The following LEF1 variants were observed in gnomAD, a reference collection of about 807,000 sequenced individuals.
LEF1 encodes the protein lymphoid enhancer-binding factor 1.
In LEF1, 14 loss-of-function variants were observed where a neutral mutation model predicts 51.2. That is an observed-to-expected ratio of 0.27 (90% CI 0.18 to 0.43). The LOEUF (loss-of-function observed/expected upper bound fraction) is 0.43. LEF1 is among the 20% of genes least tolerant of loss of function. The pLI is 1.00. For synonymous variants in LEF1, 185 were observed against 183.2 expected, an observed-to-expected ratio of 1.01 and a Z score of -0.08; for missense variants, 386 against 512.0, an observed-to-expected ratio of 0.75 and a Z score of 2.37.
intron 3 of LEF1, among the ~76,000 whole-genome samples, chr4:108,126,476 CCT>C (rs1311237195): frequency 5.3e-5 from 8 of 152,004 alleles, no homozygotes; most frequent in African/African-American, 1.9e-4. Flanking sequence ...ATACTCATTT[CCT>C]GATTTTTTTA....
intron 3 of LEF1, among the ~76,000 whole-genome samples, chr4:108,138,922 T>C (rs1033364582): frequency 3.3e-5 from 5 of 152,190 alleles, no homozygotes; most frequent in Non-Finnish European, 7.3e-5. Context: ...CGTAGCAACA[T>C]CCTCTAAGTA....
chr4:108,168,169 C>G lies in LEF1; in HGVS notation c.-402G>C, dbSNP rs1252487733. 1.3e-5 allele frequency: 2 copies of G among 152,404 alleles called. No individual in the cohort carries two copies. The highest frequency in any genetic ancestry group is 2.4e-5 in the African/African-American group (1 of 41,582). 9.4% of individuals were successfully genotyped at this position (152,404 alleles called of 1,614,324 possible). A position where few individuals can be genotyped will look rare whatever the true frequency, so the allele number is the denominator to read the frequency against. ...CGGAGAACGCCGGTTCTGGAGGGAG[C>G]ACGCCTCCCCAAAGTGCAGAGGAGG... On this transcript the variant is annotated 5_prime_UTR_variant, in exon 1 of 12. Coordinates refer to ENST00000265165, the MANE Select transcript of LEF1 (RefSeq NM_016269.5). The surrounding 1 kb of genome is among the most constrained non-coding windows in gnomAD (Gnocchi z 4.6).
intron 3 of LEF1, among the ~76,000 whole-genome samples, chr4:108,124,402 C>T (rs1179060731): frequency 3.3e-5 from 5 of 151,120 alleles, no homozygotes; most frequent in African/African-American, 9.8e-5. Context: ...TGGAATCTTG[C>T]TCTGTCCCCC....
intron 11 of LEF1, among the ~76,000 whole-genome samples, chr4:108,051,272 A>AT (rs1491387544): frequency 8.1e-4 from 123 of 152,044 alleles, no homozygotes; most frequent in African/African-American, 2.7e-3. Flanking sequence ...AAAAAAAAAA[A>AT]GAGCAAAGAA....
Position 108,108,144 on chromosome 4 carries a change from G to C in LEF1, c.415-18887C>G, listed in dbSNP as rs545623936. ...ATTCAATCACTCTGGAAAGTGTATA[G>C]TTACAAAGGACCTCAACCTTGATAC... On this transcript the variant is annotated intron_variant, in intron 3 of 11. Coordinates refer to ENST00000265165, the MANE Select transcript of LEF1 (RefSeq NM_016269.5). 1.1e-4 allele frequency among the ~76,000 whole-genome samples: 17 copies of C among 152,328 alleles called. No individual in the cohort carries two copies. The South Asian group carries it at 3.3e-3, about 30-fold the overall frequency.
intron 3 of LEF1, among the ~76,000 whole-genome samples, chr4:108,099,544 G>A (rs796742507): frequency 1.2e-4 from 4 of 32,224 alleles, no homozygotes; most frequent in Non-Finnish European, 1.9e-4. Context: ...ATGTGTATAT[G>A]TGTGTGTGTG....
At chr4:108,092,857 T>C (rs1361003313) in intron 3 of LEF1, among the ~76,000 whole-genome samples, 2 of 148,386 alleles carry the variant, frequency 1.3e-5, no homozygotes, top group African/African-American at 5.0e-5. Flanking sequence ...CAGCTTACTT[T>C]CTGGGGCTCT....
At chr4:108,060,205 C>T (rs926893535) in intron 11 of LEF1, among the ~76,000 whole-genome samples, 1 of 152,064 alleles carries the variant, frequency 6.6e-6, no homozygotes, top group East Asian at 1.9e-4. Flanking sequence ...AGAACATCCC[C>T]ATCATGTATA....
chr4:108,147,161 G>A (rs530935747), intron 3 of LEF1, among the ~76,000 whole-genome samples: 43 of 152,124 alleles, frequency 2.8e-4, no homozygotes, highest in African/African-American at 9.9e-4. Context: ...GAAGAAGTTA[G>A]GGACTAGTCT....
chr4:108,084,703 A>C (rs937403367), intron 4 of LEF1, among the ~76,000 whole-genome samples: 9 of 152,214 alleles, frequency 5.9e-5, no homozygotes, highest in African/African-American at 2.2e-4. Flanking sequence ...TGCTGTTTTT[A>C]AAATAATGGT....
chr4:108,088,234 C>A (rs1342215656), intron 4 of LEF1, among the ~76,000 whole-genome samples: 1 of 152,190 alleles, frequency 6.6e-6, no homozygotes, highest in Non-Finnish European at 1.5e-5. Context: ...ATTTTGTTGT[C>A]CATTGTAAGT....
chr4:108,148,224 T>C lies in LEF1; in HGVS notation c.414+15344A>G, dbSNP rs145399432. ...TGCTCTATAAATAGTTCTGAGTTTC[T>C]GAGTTCTATTCTTAAATAGTCTTAG... On this transcript the variant is annotated intron_variant, in intron 3 of 11. Coordinates refer to ENST00000265165, the MANE Select transcript of LEF1 (RefSeq NM_016269.5). Among the ~76,000 whole-genome samples the C allele has an allele frequency of 1.1e-4, 16 of 152,288 alleles. No individual in the cohort carries two copies. The East Asian group carries it at 3.1e-3, about 29-fold the overall frequency.
At chr4:108,117,943 T>C (rs1741939751) in intron 3 of LEF1, among the ~76,000 whole-genome samples, 1 of 152,224 alleles carries the variant, frequency 6.6e-6, no homozygotes, top group Admixed American at 6.5e-5. Context: ...ACAGCCACAA[T>C]TACTATTACT....
intron 3 of LEF1, among the ~76,000 whole-genome samples, chr4:108,092,917 TAAAAAAAAAAAAAAA>T (rs71592104): frequency 6.4e-5 from 2 of 31,156 alleles, no homozygotes; most frequent in African/African-American, 2.0e-4. Context: ...AATGAATATG[TAAAAAAAAAAAAAAA>T]AAAAAAAAAA....
At chr4:108,066,638 C>T (rs1420641674) in intron 9 of LEF1, among the ~76,000 whole-genome samples, 1 of 152,198 alleles carries the variant, frequency 6.6e-6, no homozygotes, top group African/African-American at 2.4e-5. Flanking sequence ...TCTAGGATAT[C>T]AACCAGTTCT....
intron 3 of LEF1, among the ~76,000 whole-genome samples, chr4:108,118,352 CAG>C (rs1437210134): frequency 6.6e-6 from 1 of 152,204 alleles, no homozygotes; most frequent in Non-Finnish European, 1.5e-5. Flanking sequence ...AAATACTCAA[CAG>C]ATCGATTTGT....
chr4:108,151,682 A>C (rs1464544458), intron 3 of LEF1, among the ~76,000 whole-genome samples: 1 of 152,188 alleles, frequency 6.6e-6, no homozygotes, highest in Admixed American at 6.5e-5. Context: ...ATGAGGATTA[A>C]ATGGGCTAAC....
intron 3 of LEF1, among the ~76,000 whole-genome samples, chr4:108,145,029 A>G (rs1743915409): frequency 6.6e-6 from 1 of 152,226 alleles, no homozygotes; most frequent in Non-Finnish European, 1.5e-5. Context: ...CCCAGCCATC[A>G]ATCTAGAATA....
At chr4:108,056,763 G>T (rs1188643064) in intron 11 of LEF1, among the ~76,000 whole-genome samples, 1 of 151,950 alleles carries the variant, frequency 6.6e-6, no homozygotes, top group East Asian at 1.9e-4. Context: ...GAGCCTCTCC[G>T]GGCCACCACA....
Sources: allele counts gnomAD v4.1 joint callset (sites outside exome capture counted in the v4.1 genomes callset), GRCh38; gene constraint gnomAD v4.1.1; non-coding constraint Gnocchi (gnomAD v3.1); transcripts MANE v1.5; gene names NCBI Gene and HGNC (gene_info 2026-07-23, HGNC 2026-07-21).